The following ZEB1 variants were observed in gnomAD, a reference collection of about 807,000 sequenced individuals.
The protein encoded by ZEB1 is zinc finger E-box binding homeobox 1, also known as zinc finger E-box-binding homeobox 1.
In ZEB1, 21 loss-of-function variants were observed where a neutral mutation model predicts 84.9. The ratio of observed to expected loss-of-function variants is 0.25; its 90% CI spans 0.18 to 0.36. The LOEUF (loss-of-function observed/expected upper bound fraction) is 0.36, where lower values mean the gene tolerates loss of function less well. Ranked by LOEUF, ZEB1 falls within the 10% of genes least tolerant of loss-of-function variation. The probability of loss-of-function intolerance (pLI) is 1.00; values close to 1 mark genes in which losing one functional copy is unlikely to be tolerated. For missense variants in ZEB1, 1,104 were observed against 1,330.2 expected, an observed-to-expected ratio of 0.83 and a Z score of 2.65; for synonymous variants, 420 against 471.1, an observed-to-expected ratio of 0.89 and a Z score of 1.41.
chr10:31,319,341 C>T lies in ZEB1; in HGVS notation c.58+49C>T, dbSNP rs939535725. On this transcript the variant is annotated intron_variant, in intron 1 of 8. Coordinates refer to ENST00000424869, the MANE Select transcript of ZEB1 (RefSeq NM_001174096.2). ...AGCGGCGGAGTCAGGGGGAGCTGGG[C>T]AGCCGGGGCGCCCCCGGGGGTGAGG... is the stretch of plus-strand genomic sequence containing the variant. 5 of 1,576,288 alleles carry T rather than the reference C, an allele frequency of 3.2e-6. No homozygotes were observed. In the African/African-American group the frequency reaches 6.7e-5, roughly 21 times the overall value.
intron 1 of ZEB1, among the ~76,000 whole-genome samples, chr10:31,385,432 G>C (rs904602686): frequency 6.6e-6 from 1 of 152,036 alleles, no homozygotes; most frequent in African/African-American, 2.4e-5. Flanking sequence ...TTTTTTTAAA[G>C]TATACACATT....
Position 31,362,894 on chromosome 10 carries a change from C to T in ZEB1, c.58+43602C>T, listed in dbSNP as rs1412032246. The T allele has an allele frequency of 2.2e-6, 3 of 1,386,516 alleles. No individual in the cohort carries two copies. In the Admixed American group the frequency reaches 5.9e-5, roughly 27 times the overall value. 85.9% of individuals were successfully genotyped at this position (1,386,516 alleles called of 1,614,324 possible). A position where few individuals can be genotyped will look rare whatever the true frequency, so the allele number is the denominator to read the frequency against. The stretch of plus-strand genomic sequence containing the variant: ...CTGAATTTTGATATTCTACTTAACA[C>T]TCTCATGTTCTTACGCATGTTGCCA... On this transcript the variant is annotated intron_variant, in intron 1 of 8. Transcript: ENST00000424869.
intron 1 of ZEB1, among the ~76,000 whole-genome samples, chr10:31,406,958 C>T (rs1366715925): frequency 6.6e-6 from 1 of 151,966 alleles, no homozygotes; most frequent in Non-Finnish European, 1.5e-5. Context: ...GAATCCTTTC[C>T]CCATTGCTTG....
intron 4 of ZEB1, among the ~76,000 whole-genome samples, chr10:31,508,495 G>A (rs1038378998): frequency 6.6e-6 from 1 of 152,144 alleles, no homozygotes; most frequent in Non-Finnish European, 1.5e-5. Flanking sequence ...CAGCTGTAGT[G>A]ATAGTAGCAG....
chr10:31,413,676 G>C (rs2054696020), intron 1 of ZEB1, among the ~76,000 whole-genome samples: 1 of 151,500 alleles, frequency 6.6e-6, no homozygotes, highest in Non-Finnish European at 1.5e-5. Context: ...TTTCCTTCAG[G>C]GCAAAAAGTT....
In ZEB1 at chr10:31,439,020, A is replaced by T. The variant is rs183885527; in HGVS notation, c.59-22017A>T. Among the ~76,000 whole-genome samples the T allele has an allele frequency of 3.0e-3, 457 of 152,304 alleles. 1 individual carries two copies. Among genetic ancestry groups the T allele is most frequent in the African/African-American group, 0.01 (431 of 41,574 alleles). On this transcript the variant is annotated intron_variant, in intron 1 of 8. Coordinates refer to ENST00000424869, the MANE Select transcript of ZEB1 (RefSeq NM_001174096.2). ...TTGCACATTTAAAATATATCTTTAA[A>T]ATTTTTTTAAAGTAATATAAACATT... is the stretch of plus-strand genomic sequence containing the variant.
At chr10:31,430,449 G>A (rs1294129010) in intron 1 of ZEB1, among the ~76,000 whole-genome samples, 4 of 152,132 alleles carry the variant, frequency 2.6e-5, no homozygotes, top group African/African-American at 7.2e-5. Flanking sequence ...TTTAAACTTA[G>A]CATCTTAGAC....
At chr10:31,359,414 A>G (rs2042627363) in intron 1 of ZEB1, among the ~76,000 whole-genome samples, 1 of 152,108 alleles carries the variant, frequency 6.6e-6, no homozygotes, top group South Asian at 2.1e-4. Context: ...TGGAGTAACA[A>G]AAATTCCACC....
chr10:31,445,872 A>T (rs1266427889), intron 1 of ZEB1, among the ~76,000 whole-genome samples: 1 of 119,726 alleles, frequency 8.4e-6, no homozygotes, highest in East Asian at 2.3e-4. Context: ...TTGGTCTAAA[A>T]TTCTCTTTTT....
chr10:31,388,902 T>C (rs1357399023), intron 1 of ZEB1, among the ~76,000 whole-genome samples: 1 of 152,110 alleles, frequency 6.6e-6, no homozygotes, highest in Non-Finnish European at 1.5e-5. Context: ...AAACAGGTTA[T>C]TATTTCTTAA....
intron 1 of ZEB1, among the ~76,000 whole-genome samples, chr10:31,351,996 T>G (rs1212177394): frequency 6.6e-6 from 1 of 152,202 alleles, no homozygotes; most frequent in African/African-American, 2.4e-5. Context: ...TGTATACTAA[T>G]TCTTTATATA....
At position 31,521,879 on chromosome 10, in the gene ZEB1, G is replaced by A. The variant is rs773379973; in HGVS notation, c.2547G>A (p.Thr849=). The A allele has an allele frequency of 7.0e-5, 113 of 1,613,806 alleles. No individual in the cohort carries two copies. The highest frequency in any genetic ancestry group is 1.3e-4 in the African/African-American group (10 of 74,880). The change falls in exon 7 of 9, where the codon ACG becomes ACA. Residue 849 remains threonine (T), a synonymous_variant. Coordinates refer to ENST00000424869, the MANE Select transcript of ZEB1 (RefSeq NM_001174096.2). ...IPQVAYTYST[T]VSPAVQEPPL... ...AGGTGGCATACACCTACTCAACTAC[G>A]GTCAGCCCTGCAGTCCAAGAACCAC...
intron 6 of ZEB1, among the ~76,000 whole-genome samples, chr10:31,516,405 A>G (rs2071106255): frequency 6.6e-6 from 1 of 151,886 alleles, no homozygotes; most frequent in African/African-American, 2.4e-5. Context: ...AAACACTAAC[A>G]TGGAGTAAAT....
chr10:31,321,465 T>G, intron 1 of ZEB1: 1 of 1,614,020 alleles, frequency 6.2e-7, no homozygotes, highest in Non-Finnish European at 8.5e-7. Flanking sequence ...AATTTCCTGT[T>G]TTAGCGTCAA....
intron 2 of ZEB1, among the ~76,000 whole-genome samples, chr10:31,474,527 G>A (rs543650738): frequency 1.3e-5 from 2 of 152,114 alleles, no homozygotes; most frequent in African/African-American, 4.8e-5. Context: ...TCTCACACCA[G>A]TTAGAATGGC....
At chr10:31,348,048 G>T (rs10826940) in intron 1 of ZEB1, among the ~76,000 whole-genome samples, 9,601 of 152,160 alleles carry the variant, frequency 0.063, 759 homozygotes, top group African/African-American at 0.18. Context: ...GGTTGTGTGG[G>T]CCTTACTTTC....
At chr10:31,321,644 ACCACC>A in intron 1 of ZEB1, 1 of 1,486,672 alleles carries the variant, frequency 6.7e-7, no homozygotes, top group Non-Finnish European at 9.4e-7. Context: ...GTGAGTCTGA[ACCACC>A]CAGCGTCTGT....
At chr10:31,523,371 A>G (rs1038655169) in intron 7 of ZEB1, among the ~76,000 whole-genome samples, 1 of 152,170 alleles carries the variant, frequency 6.6e-6, no homozygotes, top group South Asian at 2.1e-4. Context: ...TGCTCCTTAG[A>G]CAAGTGGTAG....
chr10:31,326,203 A>T (rs1226260697), intron 1 of ZEB1, among the ~76,000 whole-genome samples: 1 of 152,106 alleles, frequency 6.6e-6, no homozygotes, highest in Non-Finnish European at 1.5e-5. Context: ...ACAGTGACAT[A>T]TGGAATAACA....
Sources: gnomAD v4.1 joint callset for allele counts (sites outside exome capture counted in the v4.1 genomes callset) on GRCh38, gnomAD v4.1.1 for gene constraint, MANE v1.5 for transcripts, NCBI Gene and HGNC (gene_info 2026-07-23, HGNC 2026-07-21) for gene names.